The following CIC variants were observed in gnomAD, a reference collection of about 807,000 sequenced individuals.
CIC encodes the protein capicua transcriptional repressor, also known as protein capicua homolog.
In CIC, 18 loss-of-function variants were observed where a neutral mutation model predicts 115.7. The ratio of observed to expected loss-of-function variants is 0.16; its 90% CI spans 0.11 to 0.23. CIC has a LOEUF of 0.23. Among genes scored for constraint, CIC ranks in the 10% least tolerant of loss-of-function variants. The pLI, the probability that CIC is intolerant of heterozygous loss-of-function variation, is 1.00. For missense variants in CIC, 2,000 were observed against 2,159.3 expected, an observed-to-expected ratio of 0.93 and a Z score of 1.46; for synonymous variants, 1,076 against 923.0, an observed-to-expected ratio of 1.17 and a Z score of -3.01.
In CIC at chr19:42,290,288, G is replaced by T. The variant is rs776806622; in HGVS notation, c.4247G>T (p.Arg1416Leu). Residue 1416 changes from arginine to leucine, a missense_variant, in exon 11 of 21, where the codon CGC becomes CTC. By Grantham distance (102) the Arg-to-Leu change is moderately radical (BLOSUM62 -2). Transcript: ENST00000681038. Reference protein sequence around the residue: ...PVIRSSFTHCRPPLDPEPPGP... With the variant: ...PVIRSSFTHCLPPLDPEPPGP... ...ATCCGTTCCTCCTTTACCCACTGCC[G>T]CCCCCCACTGGACCCTGAGCCCCCA... The T allele has an allele frequency of 3.1e-6, 5 of 1,613,816 alleles. No homozygotes were observed. The highest frequency in any genetic ancestry group is 1.6e-4 in the Middle Eastern group (1 of 6,084).
rs762480443 is a variant in CIC, at chr19:42,295,024, G to A, written c.7387G>A (p.Ala2463Thr). 1.4e-5 allele frequency: 21 copies of A among 1,530,230 alleles called. No homozygotes were observed. The highest frequency in any genetic ancestry group is 3.4e-5 in the South Asian group (3 of 87,900). The allele number at this position is 1,530,230 out of a possible 1,614,324, so 94.8% of individuals were successfully genotyped here. A position where few individuals can be genotyped will look rare whatever the true frequency, so the allele number is the denominator to read the frequency against. Residue 2463 changes from alanine to threonine, a missense_variant, in exon 21 of 21, where the codon GCA (alanine) becomes ACA (threonine). By Grantham distance (58) the Ala-to-Thr change is moderately conservative. Transcript: ENST00000681038. ...AAAPAPTPSP[A>T]GGPDPTSPSS... ...TGCCCCTGCCCCCACTCCCAGCCCC[G>A]CAGGGGGCCCTGACCCCACCTCACC...
In CIC at chr19:42,294,088, G is replaced by A. The variant is rs767872060; in HGVS notation, c.6921G>A (p.Thr2307=). ...ACCGCAAGAAGAGGAAGAACTCCAC[G>A]GGTAGGCGAGCATTGGGCACCCAGG... ...GSYRKKRKNS[T]DLDSAPEDPT... Residue 2307 remains threonine, a splice_region_variant and synonymous_variant, in exon 18 of 21, where the codon ACG becomes ACA. Transcript: ENST00000681038. The A allele has an allele frequency of 6.2e-7, 1 of 1,613,602 alleles. No homozygotes were observed. The highest frequency in any genetic ancestry group is 1.7e-5 in the Admixed American group (1 of 60,016).
chr19:42,289,406 G>C lies in CIC; in HGVS notation c.4087G>C (p.Ala1363Pro). 6.4e-7 allele frequency: 1 copy of C among 1,570,280 alleles called. No homozygotes were observed. Among genetic ancestry groups the C allele is most frequent in the Non-Finnish European group, 8.6e-7 (1 of 1,157,472 alleles). Residue 1363 changes from alanine (A) to proline (P), a missense_variant and splice_region_variant, in exon 9 of 21, where the codon GCT becomes CCT. Coordinates refer to ENST00000681038, the MANE Select transcript of CIC (RefSeq NM_001386298.1). The part of the protein sequence containing the change: ...CEEEGDDDVI[A>P]DDGFGTTDID... ...GGAGGAAGGGGATGATGATGTCATTGGTGAGCATTGCAGGGCCCAGAATCT... is the reference window on the plus strand; with the variant it reads ...GGAGGAAGGGGATGATGATGTCATTCGTGAGCATTGCAGGGCCCAGAATCT...
chr19:42,288,767 G>T, intron 7 of CIC, 121 bp from the exon 8 acceptor site: 2 of 853,066 alleles, frequency 2.3e-6, no homozygotes, highest in Non-Finnish European at 1.9e-6. Context: ...TTTTCACCAA[G>T]TGGCCCAGAA....
At chr19:42,281,231 T>G (rs1472987884) in intron 2 of CIC, among the ~76,000 whole-genome samples, 1 of 151,748 alleles carries the variant, frequency 6.6e-6, no homozygotes, top group Non-Finnish European at 1.5e-5. Context: ...GAGAGCAGGG[T>G]GGGGAGCCGC....
At chr19:42,278,698 T>C (rs962916938) in intron 2 of CIC, among the ~76,000 whole-genome samples, 2 of 152,134 alleles carry the variant, frequency 1.3e-5, no homozygotes, top group Non-Finnish European at 2.9e-5. Flanking sequence ...GCATATCAGG[T>C]GTTCTGTTCT....
At position 42,287,863 on chromosome 19, in the gene CIC, C is replaced by G. The variant is rs984378375; in HGVS notation, c.3546C>G (p.Asp1182Glu). Reference sequence around the variant, plus strand: ...CAGATTGGAAGTGGTGCAACAAGGACCGAAAGAAGTCCAGCTCAGAGGCCA... The same window carrying G: ...CAGATTGGAAGTGGTGCAACAAGGAGCGAAAGAAGTCCAGCTCAGAGGCCA... Reference protein sequence around the residue: ...AHPDWKWCNKDRKKSSSEAKP... With the variant: ...AHPDWKWCNKERKKSSSEAKP... Residue 1182 changes from aspartate (D) to glutamate (E), a missense_variant, in exon 7 of 21, where the codon GAC becomes GAG. Asp to Glu is a conservative substitution (Grantham distance 45). This residue lies in a region of CIC where 38 missense variants were observed against 50.3 expected (regional missense o/e 0.76). Transcript: ENST00000681038. The surrounding 1 kb of genome is among the most constrained non-coding windows in gnomAD (Gnocchi z 8.7). The G allele has an allele frequency of 6.2e-7, 1 of 1,613,010 alleles. No individual in the cohort carries two copies. Among genetic ancestry groups the G allele is most frequent in the African/African-American group, 1.3e-5 (1 of 74,920 alleles).
chr19:42,295,143 G>GGGCGCCCCCCCC lies in CIC; in HGVS notation c.7506_7507insGGCGCCCCCCCC (p.Gln2502_Pro2503insGlyAlaProPro). ...AGCCTGGCTGGGAGGGGGCTCCCCAGCCCTCCCCCCCACCCCCAGGTCCCT... is the reference window on the plus strand; with the variant it reads ...AGCCTGGCTGGGAGGGGGCTCCCCAGGGCGCCCCCCCCCCCTCCCCCCCACCCCCAGGTCCCT... On this transcript the variant is annotated inframe_insertion, in exon 21 of 21. Coordinates refer to ENST00000681038, the MANE Select transcript of CIC (RefSeq NM_001386298.1). 2 of 1,382,728 alleles carry GGGCGCCCCCCCC rather than the reference G, an allele frequency of 1.4e-6. No homozygotes were observed. Among genetic ancestry groups the GGGCGCCCCCCCC allele is most frequent in the Non-Finnish European group, 1.9e-6 (2 of 1,037,816 alleles). 85.7% of individuals were successfully genotyped at this position (1,382,728 alleles called of 1,614,324 possible).
In CIC at chr19:42,292,851, G is replaced by A; in HGVS notation, c.6188G>A (p.Ser2063Asn). ...ATPAPTSPFP[S>N]ATAGSMTYSL... ...CCAGCCCCGACTAGCCCTTTCCCCA[G>A]CGCCACAGGTAGGTGTCAGATCAAC... The change falls in exon 15 of 21, where the codon AGC becomes AAC. Residue 2063 changes from serine to asparagine, a missense_variant. Around this residue, in one of 8 missense-constraint regions of CIC, gnomAD observed 1,466 missense variants for 1,390.4 expected, o/e 1.05. Transcript: ENST00000681038. 6.2e-7 allele frequency: 1 copy of A among 1,613,804 alleles called. No homozygotes were observed. Among genetic ancestry groups the A allele is most frequent in the Non-Finnish European group, 8.5e-7 (1 of 1,179,984 alleles).
chr19:42,284,800 AG>A (rs2147140560), intron 2 of CIC: 1 of 1,534,416 alleles, frequency 6.5e-7, no homozygotes, highest in Non-Finnish European at 8.8e-7. Context: ...CTGGGACTGC[AG>A]GGGTCAAGGT....
chr19:42,277,354 C>T (rs913895828), intron 2 of CIC, among the ~76,000 whole-genome samples: 7 of 152,152 alleles, frequency 4.6e-5, no homozygotes, highest in Non-Finnish European at 7.4e-5. Flanking sequence ...CTCAGCCTCC[C>T]GAATAGCTGG....
rs531617813 is a variant in CIC, at chr19:42,280,610, G to A, written c.2794+6033G>A. On this transcript the variant is annotated intron_variant, in intron 2 of 20. Transcript: ENST00000681038. This position sits in a 1 kb window ranked among gnomAD's most constrained non-coding sequence, Gnocchi z 4.9. ...GGTACCCTCCCTCCCACCGCAGACA[G>A]CTCGGGTGCCAGCTGGCCGGCGCCC... is the stretch of plus-strand genomic sequence containing the variant. Among the ~76,000 whole-genome samples the A allele has an allele frequency of 2.6e-4, 39 of 152,296 alleles. No homozygotes were observed. Among genetic ancestry groups the A allele is most frequent in the African/African-American group, 9.4e-4 (39 of 41,582 alleles).
In CIC at chr19:42,294,898, C is replaced by T. The variant is rs2147355115; in HGVS notation, c.7261C>T (p.Arg2421Cys). 2 of 1,600,466 alleles carry T rather than the reference C, an allele frequency of 1.2e-6. No homozygotes were observed. Among genetic ancestry groups the T allele is most frequent in the Non-Finnish European group, 1.7e-6 (2 of 1,179,960 alleles). The change falls in exon 21 of 21, where the codon CGT becomes TGT. Residue 2421 changes from arginine (R) to cysteine (C), a missense_variant. Coordinates refer to ENST00000681038, the MANE Select transcript of CIC (RefSeq NM_001386298.1). ...CAAGGTTTGTCTGCAGTTGAAGATC[C>T]GTGAGGTGCGCCAGAAGATCATGCA... ...PSKVCLQLKI[R>C]EVRQKIMQAA...
rs149948572 is a variant in CIC, at chr19:42,292,803, C to T, written c.6140C>T (p.Pro2047Leu). ...PPAATILPKG[P>L]PAPATATPAP... ...GCAGCCACCATTCTGCCCAAGGGCCCGCCAGCCCCTGCCACTGCCACCCCA... is the reference window on the plus strand; with the variant it reads ...GCAGCCACCATTCTGCCCAAGGGCCTGCCAGCCCCTGCCACTGCCACCCCA... Residue 2047 changes from proline to leucine, a missense_variant, in exon 15 of 21, where the codon CCG (proline) becomes CTG (leucine). By Grantham distance (98) the Pro-to-Leu change is moderately conservative (BLOSUM62 -3). Transcript: ENST00000681038. The T allele has an allele frequency of 9.2e-5, 148 of 1,613,684 alleles. No individual in the cohort carries two copies. Among genetic ancestry groups the T allele is most frequent in the Admixed American group, 2.0e-4 (12 of 60,010 alleles).
chr19:42,283,180 CTG>C (rs1208594198), intron 2 of CIC, among the ~76,000 whole-genome samples: 2 of 151,892 alleles, frequency 1.3e-5, no homozygotes, highest in Non-Finnish European at 2.9e-5. Context: ...GCTAGGAAGG[CTG>C]TGTGTGTGAC....
chr19:42,289,989 C>T (rs1181380576), intron 10 of CIC, 38 bp downstream of exon 10: 7 of 1,517,108 alleles, frequency 4.6e-6, no homozygotes, highest in African/African-American at 1.4e-5. Flanking sequence ...CATCACACTC[C>T]CTCCTAAGCC....
rs1048242420 is a variant in CIC, at chr19:42,280,808, C to T, written c.2795-5963C>T. Among the ~76,000 whole-genome samples, 3 of 151,978 alleles carry T rather than the reference C, an allele frequency of 2.0e-5. No homozygotes were observed. The highest frequency in any genetic ancestry group is 1.9e-4 in the East Asian group (1 of 5,174). ...GGCGGCGCCCCCTCCTCTGCTCGGG[C>T]CTTGGCGCCTCCCTCAGCCCGCGCC... On this transcript the variant is annotated intron_variant, in intron 2 of 20. Transcript: ENST00000681038. The surrounding 1 kb of genome is among the most constrained non-coding windows in gnomAD (Gnocchi z 4.9).
intron 2 of CIC, 142 bp from the exon 3 acceptor site, chr19:42,286,629 G>T: frequency 1.0e-6 from 1 of 1,000,104 alleles, no homozygotes; most frequent in Non-Finnish European, 1.5e-6. Flanking sequence ...GACGTTGCAT[G>T]GACGAGTCCA....
In CIC at chr19:42,289,162, T is replaced by C. The variant is rs751297863; in HGVS notation, c.3862-19T>C. The C allele has an allele frequency of 6.2e-7, 1 of 1,613,318 alleles. No homozygotes were observed. The highest frequency in any genetic ancestry group is 8.5e-7 in the Non-Finnish European group (1 of 1,180,010). ...AGGGCAGCAGCCCCGCTGAACCCTC[T>C]CTGCCACCTATCCTGCAGATGGTGT... On this transcript the variant is annotated intron_variant, in intron 8 of 20. Coordinates refer to ENST00000681038, the MANE Select transcript of CIC (RefSeq NM_001386298.1).
Sources: allele counts gnomAD v4.1 joint callset (sites outside exome capture counted in the v4.1 genomes callset), GRCh38; gene constraint gnomAD v4.1.1; regional missense constraint gnomAD v4.1.1; non-coding constraint Gnocchi (gnomAD v3.1); transcripts MANE v1.5; gene names NCBI Gene and HGNC (gene_info 2026-07-23, HGNC 2026-07-21).